The following CA10 variants were observed in gnomAD, a reference collection of about 807,000 sequenced individuals.
CA10 encodes carbonic anhydrase-related protein 10.
A neutral mutation model predicts 44.2 loss-of-function variants in CA10; 14 were observed. That is an observed-to-expected ratio of 0.32 (90% CI 0.21 to 0.50). The LOEUF is 0.50. Among genes scored for constraint, CA10 ranks in the 20% least tolerant of loss-of-function variants. The pLI is 0.99. For missense variants in CA10, 350 were observed against 409.7 expected, an observed-to-expected ratio of 0.85 and a Z score of 1.26; for synonymous variants, 159 against 141.6, an observed-to-expected ratio of 1.12 and a Z score of -0.87.
At chr17:51,988,930 T>C (rs1391243094) in intron 2 of CA10, among the ~76,000 whole-genome samples, 3 of 152,050 alleles carry the variant, frequency 2.0e-5, no homozygotes, top group Non-Finnish European at 4.4e-5. Context: ...TTTTTGGATG[T>C]CTTTGAAATC....
intron 2 of CA10, among the ~76,000 whole-genome samples, chr17:51,978,398 G>C (rs1377963200): frequency 6.6e-6 from 1 of 151,742 alleles, no homozygotes; most frequent in African/African-American, 2.4e-5. Context: ...GTGTGTGTGT[G>C]TGTGTGTGTG....
intron 4 of CA10, among the ~76,000 whole-genome samples, chr17:51,695,871 C>A (rs1915385962): frequency 6.6e-6 from 1 of 151,992 alleles, no homozygotes; most frequent in Non-Finnish European, 1.5e-5. Flanking sequence ...GTTTTTATCA[C>A]TTAGGGATGT....
At chr17:51,658,451 T>A (rs1913882061) in intron 4 of CA10, among the ~76,000 whole-genome samples, 1 of 152,208 alleles carries the variant, frequency 6.6e-6, no homozygotes, top group Non-Finnish European at 1.5e-5. Flanking sequence ...GGCAACATTC[T>A]GTAGTATGGT....
At chr17:51,776,894 A>G (rs979682601) in intron 3 of CA10, among the ~76,000 whole-genome samples, 3 of 152,182 alleles carry the variant, frequency 2.0e-5, no homozygotes, top group Non-Finnish European at 2.9e-5. Flanking sequence ...ACCAAGGGCC[A>G]AGAACCGTTC....
intron 3 of CA10, 33 bp from the exon 4 acceptor site, chr17:51,747,851 C>T (rs1299961398): frequency 6.5e-7 from 1 of 1,550,286 alleles, no homozygotes; most frequent in Non-Finnish European, 8.8e-7. Context: ...TCAAGCAAGG[C>T]CCTCCTTCTT....
chr17:51,961,201 A>ACACG (rs1163190077), intron 2 of CA10, among the ~76,000 whole-genome samples: 1 of 151,456 alleles, frequency 6.6e-6, no homozygotes, highest in East Asian at 1.9e-4. Flanking sequence ...ACACACACAC[A>ACACG]CACACACACA....
At chr17:51,932,092 G>A (rs564741371) in intron 2 of CA10, among the ~76,000 whole-genome samples, 7 of 151,898 alleles carry the variant, frequency 4.6e-5, no homozygotes, top group South Asian at 2.1e-4. Context: ...ATCACGCACT[G>A]GGTTAGGCTG....
intron 4 of CA10, among the ~76,000 whole-genome samples, chr17:51,742,733 T>C (rs1029098458): frequency 3.3e-5 from 5 of 152,190 alleles, no homozygotes; most frequent in African/African-American, 1.2e-4. Flanking sequence ...CCTATCTATA[T>C]CACCATAGCA....
intron 3 of CA10, among the ~76,000 whole-genome samples, chr17:51,902,885 A>G (rs986536806): frequency 1.3e-5 from 2 of 152,180 alleles, no homozygotes; most frequent in Non-Finnish European, 2.9e-5. Flanking sequence ...AATCAAATCT[A>G]GAAGTATAAC....
intron 3 of CA10, among the ~76,000 whole-genome samples, chr17:51,873,357 T>C (rs1187940211): frequency 6.6e-6 from 1 of 152,170 alleles, no homozygotes; most frequent in Non-Finnish European, 1.5e-5. Context: ...AGCCTCGGTA[T>C]TTTTCCTATA....
chr17:52,074,007 T>A (rs1385718469), intron 1 of CA10, among the ~76,000 whole-genome samples: 1 of 152,168 alleles, frequency 6.6e-6, no homozygotes, highest in African/African-American at 2.4e-5. Flanking sequence ...ACAACATTTC[T>A]CTAGAGTTCA....
intron 4 of CA10, among the ~76,000 whole-genome samples, chr17:51,689,184 G>A (rs1403903844): frequency 3.9e-5 from 6 of 152,244 alleles, no homozygotes; most frequent in South Asian, 2.1e-4. Context: ...TGGAATATGG[G>A]AAGCTTGTAA....
At chr17:52,059,671 TA>T (rs80080858) in intron 2 of CA10, among the ~76,000 whole-genome samples, 70,446 of 148,064 alleles carry the variant, frequency 0.48, 17,402 homozygotes, top group East Asian at 0.79. Flanking sequence ...TAAAGTATAA[TA>T]AAAAAAAAAG....
At chr17:51,810,645 T>C (rs946607142) in intron 3 of CA10, among the ~76,000 whole-genome samples, 17 of 151,816 alleles carry the variant, frequency 1.1e-4, no homozygotes, top group African/African-American at 4.1e-4. Context: ...ACAAAGGAGA[T>C]CAATTGGAGA....
At chr17:51,908,997 T>C (rs887342430) in intron 3 of CA10, among the ~76,000 whole-genome samples, 2 of 152,132 alleles carry the variant, frequency 1.3e-5, no homozygotes, top group African/African-American at 4.8e-5. Flanking sequence ...TTTTTTGACG[T>C]CATCTGGTTT....
At chr17:51,751,474 C>T (rs929491253) in intron 3 of CA10, among the ~76,000 whole-genome samples, 2 of 152,278 alleles carry the variant, frequency 1.3e-5, no homozygotes, top group Admixed American at 6.5e-5. Context: ...ATTGCCCTCA[C>T]GAGGTTGTGA....
intron 2 of CA10, among the ~76,000 whole-genome samples, chr17:51,959,282 CTGTGTGTGTGTGTGTGTG>C (rs71149386): frequency 1.3e-4 from 18 of 134,454 alleles, no homozygotes; most frequent in African/African-American, 3.4e-4. Context: ...CTCTCTCTCT[CTGTGTGTGTGTGTGTGTG>C]TGTGTGTGTG....
intron 3 of CA10, among the ~76,000 whole-genome samples, chr17:51,900,063 C>T (rs1427378206): frequency 1.3e-5 from 2 of 151,092 alleles, no homozygotes; most frequent in East Asian, 3.9e-4. Context: ...TAGATTTAAT[C>T]CTGGCTTTGT....
At chr17:52,024,951 G>T (rs1986253620) in intron 2 of CA10, among the ~76,000 whole-genome samples, 1 of 151,668 alleles carries the variant, frequency 6.6e-6, no homozygotes, top group Non-Finnish European at 1.5e-5. Context: ...CATATATATA[G>T]TATATGTATA....
Sources: gnomAD v4.1 joint callset for allele counts (sites outside exome capture counted in the v4.1 genomes callset) on GRCh38, gnomAD v4.1.1 for gene constraint, MANE v1.5 for transcripts, NCBI Gene and HGNC (gene_info 2026-07-23, HGNC 2026-07-21) for gene names.